The following C2CD5 variants were observed in gnomAD, a reference collection of about 807,000 sequenced individuals.
C2CD5 encodes the protein C2 domain-containing protein 5.
Under a neutral mutation model 130.3 loss-of-function variants are expected in C2CD5, and 109 were observed. The observed-to-expected ratio is 0.84, with a 90% CI of 0.72 to 0.98. C2CD5 has a LOEUF of 0.98. C2CD5 is among the 50% of genes least tolerant of loss of function. The pLI is 0.00. For synonymous variants in C2CD5, 454 were observed against 429.2 expected, an observed-to-expected ratio of 1.06 and a Z score of -0.71; for missense variants, 996 against 1,261.8, an observed-to-expected ratio of 0.79 and a Z score of 3.19.
At chr12:22,520,045 A>T (rs895850226) in intron 7 of C2CD5, among the ~76,000 whole-genome samples, 2 of 152,188 alleles carry the variant, frequency 1.3e-5, no homozygotes, top group Non-Finnish European at 2.9e-5. Context: ...CAGTTATACA[A>T]GTATATATTG....
chr12:22,478,132 C>T (rs970469196), intron 15 of C2CD5, 181 bp downstream of exon 15: 3 of 575,368 alleles, frequency 5.2e-6, no homozygotes, highest in Admixed American at 3.0e-5. Context: ...TAAATAGGAT[C>T]GTTAGAGTAG....
chr12:22,513,011 C>T (rs372044627), intron 9 of C2CD5, among the ~76,000 whole-genome samples: 11 of 151,616 alleles, frequency 7.3e-5, no homozygotes, highest in East Asian at 1.9e-4. Context: ...CAATGATAAA[C>T]GTAATGGAAA....
At chr12:22,499,927 CCCGTAATCCCCA>C (rs1238300225) in intron 10 of C2CD5, among the ~76,000 whole-genome samples, 12 of 152,208 alleles carry the variant, frequency 7.9e-5, no homozygotes, top group Non-Finnish European at 1.5e-4. Flanking sequence ...GTGGCTCACG[CCCGTAATCCCCA>C]CACTTTGGGA....
chr12:22,495,958 A>G (rs902795261), intron 10 of C2CD5, among the ~76,000 whole-genome samples: 1 of 152,122 alleles, frequency 6.6e-6, no homozygotes, highest in African/African-American at 2.4e-5. Flanking sequence ...ATGGCCCTAG[A>G]TTCTAGGTGA....
chr12:22,489,836 A>G (rs945639913), intron 12 of C2CD5, among the ~76,000 whole-genome samples: 2 of 152,246 alleles, frequency 1.3e-5, no homozygotes, highest in African/African-American at 2.4e-5. Flanking sequence ...GATTATTTCT[A>G]TATCATGACA....
chr12:22,455,924 A>G (rs1939764117), intron 25 of C2CD5, among the ~76,000 whole-genome samples: 1 of 152,188 alleles, frequency 6.6e-6, no homozygotes, highest in African/African-American at 2.4e-5. Flanking sequence ...GCCTCAAGCA[A>G]TCTACCCGCC....
At chr12:22,456,850 A>T (rs1472964025) in intron 25 of C2CD5, 121 bp downstream of exon 25, 3 of 587,252 alleles carry the variant, frequency 5.1e-6, no homozygotes, top group South Asian at 2.4e-5. Context: ...CAATCCAGAT[A>T]ATTAAAATAT....
intron 6 of C2CD5, among the ~76,000 whole-genome samples, chr12:22,524,058 T>G (rs1050928493): frequency 6.6e-6 from 1 of 151,810 alleles, no homozygotes; most frequent in Non-Finnish European, 1.5e-5. Flanking sequence ...GTCAAAAGGA[T>G]AGAGGGAACT....
At chr12:22,473,357 G>A (rs987016711) in intron 16 of C2CD5, among the ~76,000 whole-genome samples, 4 of 152,038 alleles carry the variant, frequency 2.6e-5, no homozygotes, top group Non-Finnish European at 2.9e-5. Flanking sequence ...GTCCTAACCT[G>A]CAGACTCGCT....
chr12:22,470,018 G>A (rs984974778), intron 21 of C2CD5, among the ~76,000 whole-genome samples: 6 of 151,998 alleles, frequency 3.9e-5, no homozygotes, highest in Non-Finnish European at 8.8e-5. Flanking sequence ...AGCTTTAAGA[G>A]ATTAATATCT....
intron 2 of C2CD5, among the ~76,000 whole-genome samples, chr12:22,536,852 T>C (rs923576164): frequency 6.6e-6 from 1 of 152,150 alleles, no homozygotes; most frequent in African/African-American, 2.4e-5. Context: ...GCATAATTTT[T>C]TTAATCACAA....
chr12:22,506,132 T>C (rs938905987), intron 10 of C2CD5, among the ~76,000 whole-genome samples: 6 of 152,234 alleles, frequency 3.9e-5, no homozygotes, highest in African/African-American at 1.4e-4. Context: ...ATGGACTGGT[T>C]TGGTTCCCTC....
At chr12:22,469,066 TA>T (rs1052581864) in intron 22 of C2CD5, among the ~76,000 whole-genome samples, 1 of 152,120 alleles carries the variant, frequency 6.6e-6, no homozygotes, top group African/African-American at 2.4e-5. Context: ...AAAATCATAC[TA>T]AAATCAGATG....
intron 10 of C2CD5, among the ~76,000 whole-genome samples, chr12:22,493,641 T>C (rs1012120747): frequency 1.3e-4 from 20 of 152,114 alleles, no homozygotes; most frequent in African/African-American, 4.6e-4. Flanking sequence ...ATCTTAGCTA[T>C]GATTAGAATT....
chr12:22,477,846 ATC>A (rs1944082167), intron 15 of C2CD5, among the ~76,000 whole-genome samples: 1 of 152,162 alleles, frequency 6.6e-6, no homozygotes, highest in Non-Finnish European at 1.5e-5. Context: ...ACCAATAAGA[ATC>A]TCTTTTTACT....
chr12:22,507,880 C>A (rs958546809), intron 9 of C2CD5, among the ~76,000 whole-genome samples: 1 of 152,128 alleles, frequency 6.6e-6, no homozygotes, highest in South Asian at 2.1e-4. Context: ...AGGAGACTCC[C>A]ACAGATCATA....
At chr12:22,489,573 C>T (rs1591816736) in intron 12 of C2CD5, among the ~76,000 whole-genome samples, 1 of 152,006 alleles carries the variant, frequency 6.6e-6, no homozygotes, top group East Asian at 1.9e-4. Context: ...GCATAGGTTA[C>T]ATGCAAATAC....
At chr12:22,533,624 G>A (rs2137204863) in intron 3 of C2CD5, among the ~76,000 whole-genome samples, 1 of 152,276 alleles carries the variant, frequency 6.6e-6, no homozygotes, top group East Asian at 1.9e-4. Context: ...AGCACAAGAG[G>A]AGAACATGAG....
At chr12:22,467,381 C>A (rs536202624) in intron 22 of C2CD5, among the ~76,000 whole-genome samples, 1 of 151,994 alleles carries the variant, frequency 6.6e-6, no homozygotes, top group Non-Finnish European at 1.5e-5. Context: ...TCAAGCAATC[C>A]GCCTGCTTCG....
Sources: gnomAD v4.1 joint callset for allele counts (sites outside exome capture counted in the v4.1 genomes callset) on GRCh38, gnomAD v4.1.1 for gene constraint, MANE v1.5 for transcripts, NCBI Gene and HGNC (gene_info 2026-07-23, HGNC 2026-07-21) for gene names.